MRRF: variants seen among roughly 807,000 people sequenced by gnomAD.
The protein encoded by MRRF is ribosome-recycling factor, mitochondrial.
Under a neutral mutation model 25.1 loss-of-function variants are expected in MRRF, and 18 were observed. The ratio of observed to expected loss-of-function variants is 0.72; its 90% CI spans 0.50 to 1.06. The LOEUF (loss-of-function observed/expected upper bound fraction) is 1.06. Among genes scored for constraint, MRRF ranks in the 50% least tolerant of loss-of-function variants. MRRF has a pLI of 0.00. For synonymous variants in MRRF, 113 were observed against 112.1 expected (o/e 1.01, Z -0.05); for missense variants, 323 against 319.3 (o/e 1.01, Z -0.09).
chr9:122,268,030 G>C (rs775851650), intron 1 of MRRF, among the ~76,000 whole-genome samples: 1 of 152,080 alleles, frequency 6.6e-6, no homozygotes, highest in Non-Finnish European at 1.5e-5. Flanking sequence ...AATTTTGTTG[G>C]CTCATACTTG....
chr9:122,319,072 A>G (rs958470421), intron 6 of MRRF, among the ~76,000 whole-genome samples: 15 of 152,122 alleles, frequency 9.9e-5, no homozygotes, highest in African/African-American at 3.6e-4. Context: ...CCAAAAGGGA[A>G]TAAGAGCCTC....
chr9:122,308,613 C>T (rs551411918), intron 5 of MRRF, among the ~76,000 whole-genome samples: 136 of 148,734 alleles, frequency 9.1e-4, no homozygotes, highest in Non-Finnish European at 1.5e-3. Flanking sequence ...GCAGGAGAAT[C>T]GCTTGAACCC....
chr9:122,299,631 CTA>C (rs1834319497), intron 5 of MRRF, among the ~76,000 whole-genome samples: 1 of 152,070 alleles, frequency 6.6e-6, no homozygotes, highest in Non-Finnish European at 1.5e-5. Flanking sequence ...GGTTTGGGGA[CTA>C]AGCCTTGGAC....
chr9:122,285,681 A>T, intron 4 of MRRF: 3 of 1,014,696 alleles, frequency 3.0e-6, no homozygotes, highest in Non-Finnish European at 3.9e-6. Flanking sequence ...GTTACCTGAT[A>T]CTACGATTTT....
intron 5 of MRRF, among the ~76,000 whole-genome samples, chr9:122,308,297 A>G (rs912143849): frequency 3.3e-5 from 5 of 151,814 alleles, no homozygotes; most frequent in Non-Finnish European, 1.5e-5. Context: ...TCTGGTTTGT[A>G]TATTGCTGTC....
intron 5 of MRRF, among the ~76,000 whole-genome samples, chr9:122,307,228 G>C (rs112984448): frequency 4.1e-4 from 62 of 152,318 alleles, no homozygotes; most frequent in Admixed American, 1.8e-3. Context: ...GCTCCTGTAG[G>C]GGGGAGTCCC....
chr9:122,266,400 C>T (rs1166943845), intron 1 of MRRF, among the ~76,000 whole-genome samples: 1 of 152,142 alleles, frequency 6.6e-6, no homozygotes, highest in African/African-American at 2.4e-5. Flanking sequence ...GAAATAAAAA[C>T]GGAGACAAAC....
chr9:122,300,332 G>C (rs2118873538), intron 5 of MRRF, among the ~76,000 whole-genome samples: 2 of 152,286 alleles, frequency 1.3e-5, no homozygotes, highest in East Asian at 3.9e-4. Flanking sequence ...TCTCCTGGAG[G>C]GTGATCTGAG....
intron 5 of MRRF, among the ~76,000 whole-genome samples, chr9:122,310,197 G>A (rs948931253): frequency 2.6e-5 from 4 of 152,184 alleles, no homozygotes; most frequent in Non-Finnish European, 5.9e-5. Context: ...CTTGCATAGG[G>A]TCACTCAGCT....
intron 6 of MRRF, among the ~76,000 whole-genome samples, chr9:122,320,223 T>C (rs1206324848): frequency 6.6e-6 from 1 of 152,176 alleles, no homozygotes; most frequent in Non-Finnish European, 1.5e-5. Context: ...GTAAAAGTTA[T>C]AGTAACAAGA....
At chr9:122,304,489 A>G (rs1030645557) in intron 5 of MRRF, among the ~76,000 whole-genome samples, 4 of 152,188 alleles carry the variant, frequency 2.6e-5, no homozygotes, top group Admixed American at 2.6e-4. Flanking sequence ...AAGAATCGAA[A>G]GCGTAGGATA....
Position 122,275,958 on chromosome 9 carries a change from A to G in MRRF, c.185-4485A>G, listed in dbSNP as rs550012183. On this transcript the variant is annotated intron_variant, in intron 2 of 6. Transcript: ENST00000344641. ...AGTCTCCCTCTGTCACCCAGACTGG[A>G]GTGCAGTGGCATGATCTCAGCTCAC... Among the ~76,000 whole-genome samples, 89 of 152,114 alleles carry G rather than the reference A, an allele frequency of 5.9e-4. 1 individual carries two copies. The highest frequency in any genetic ancestry group is 2.1e-3 in the African/African-American group (88 of 41,518).
chr9:122,300,679 T>C (rs1281331977), intron 5 of MRRF, among the ~76,000 whole-genome samples: 1 of 152,206 alleles, frequency 6.6e-6, no homozygotes, highest in East Asian at 1.9e-4. Flanking sequence ...CTTCTCTTCC[T>C]CACTAACCCC....
intron 1 of MRRF, among the ~76,000 whole-genome samples, chr9:122,270,266 TA>T (rs1832368286): frequency 6.6e-6 from 1 of 152,194 alleles, no homozygotes; most frequent in African/African-American, 2.4e-5. Context: ...TAACTTGTGT[TA>T]ACACAGGAGA....
intron 4 of MRRF, among the ~76,000 whole-genome samples, chr9:122,290,926 C>G (rs1833719197): frequency 6.6e-6 from 1 of 152,188 alleles, no homozygotes; most frequent in South Asian, 2.1e-4. Context: ...ATGAAGACAT[C>G]AACTCCACCT....
rs182984635 is a variant in MRRF, at chr9:122,296,981, A to G, written c.551+5141A>G. 1.1e-4 allele frequency among the ~76,000 whole-genome samples: 17 copies of G among 152,318 alleles called. 1 individual carries two copies. The East Asian group carries it at 2.9e-3, about 26-fold the overall frequency. On this transcript the variant is annotated intron_variant, in intron 5 of 6. Coordinates refer to ENST00000344641, the MANE Select transcript of MRRF (RefSeq NM_138777.5). Reference sequence around the variant, plus strand: ...TTGATTGTCTTCCGATTCCTTCATCAGCGTCTCTGTTGGTTTTATTTTAAA... The same window carrying G: ...TTGATTGTCTTCCGATTCCTTCATCGGCGTCTCTGTTGGTTTTATTTTAAA...
Position 122,283,092 on chromosome 9 carries a change from A to AT in MRRF, c.341-2059dup, listed in dbSNP as rs546491734. Among the ~76,000 whole-genome samples, 653 of 139,230 alleles carry AT rather than the reference A, an allele frequency of 4.7e-3. 2 individuals are homozygous for AT. The highest frequency in any genetic ancestry group is 0.026 in the South Asian group (113 of 4,286). The allele number at this position is 139,230 out of a possible 152,430, so 91.3% of individuals were successfully genotyped here. A position where few individuals can be genotyped will look rare whatever the true frequency, so the allele number is the denominator to read the frequency against. On this transcript the variant is annotated intron_variant, in intron 3 of 6. Coordinates refer to ENST00000344641, the MANE Select transcript of MRRF (RefSeq NM_138777.5). ...AAAAACCCCATGAAATATAAGTACAATTTTTTTTTTTTTTTTTTGGAGTCA... is the reference window on the plus strand; with the variant it reads ...AAAAACCCCATGAAATATAAGTACAATTTTTTTTTTTTTTTTTTTGGAGTCA...
rs754971390 is a variant in MRRF at position 122,280,523 on chromosome 9, A to G, written c.265A>G (p.Asn89Asp). The G allele has an allele frequency of 1.2e-6, 2 of 1,613,852 alleles. No individual in the cohort carries two copies. The highest frequency in any genetic ancestry group is 1.7e-6 in the Non-Finnish European group (2 of 1,179,728). Residue 89 changes from asparagine (N) to aspartate (D), a missense_variant, in exon 3 of 7, where the codon AAT (asparagine) becomes GAT (aspartate). By Grantham distance (23) the Asn-to-Asp change is conservative (BLOSUM62 1). Transcript: ENST00000344641. The stretch of plus-strand genomic sequence containing the variant: ...GGATATAATCAACTTGGAAGAGGTG[A>G]ATGAAGAAATGAAGTCTGTGATAGA... ...VEDIINLEEV[N>D]EEMKSVIEAL...
intron 1 of MRRF, among the ~76,000 whole-genome samples, chr9:122,266,432 T>C (rs964340955): frequency 2.0e-5 from 3 of 151,848 alleles, no homozygotes; most frequent in African/African-American, 7.3e-5. Context: ...TGAGGGAAGA[T>C]CATCAAGGAG....
Sources: gnomAD v4.1 joint callset for allele counts (sites outside exome capture counted in the v4.1 genomes callset) on GRCh38, gnomAD v4.1.1 for gene constraint, MANE v1.5 for transcripts, NCBI Gene and HGNC (gene_info 2026-07-23, HGNC 2026-07-21) for gene names.